KIF5B: variants seen among roughly 807,000 people sequenced by gnomAD.
KIF5B encodes kinesin-1 heavy chain.
Under a neutral mutation model 132.8 loss-of-function variants are expected in KIF5B, and 49 were observed. The observed-to-expected ratio is 0.37, with a 90% CI of 0.29 to 0.47. KIF5B has a LOEUF of 0.47. KIF5B is among the 20% of genes least tolerant of loss of function. The probability of loss-of-function intolerance (pLI) is 1.00; values close to 1 mark genes in which losing one functional copy is unlikely to be tolerated. For missense variants in KIF5B, 780 were observed against 1,144.0 expected, an observed-to-expected ratio of 0.68 and a Z score of 4.59; for synonymous variants, 355 against 369.4, an observed-to-expected ratio of 0.96 and a Z score of 0.45.
At chr10:32,012,024 C>T (rs1471772810) in intron 25 of KIF5B, among the ~76,000 whole-genome samples, 1 of 152,028 alleles carries the variant, frequency 6.6e-6, no homozygotes, top group Non-Finnish European at 1.5e-5. Context: ...TATTAAACTG[C>T]CTACTTACCT....
rs539960781 is a variant in KIF5B at position 32,052,933 on chromosome 10, T to C, written c.126+2915A>G. ...TTACATGAGTAGCAGGAAAAAAGTT[T>C]AGACAAAGTATTAAAAACTCAAGTT... On this transcript the variant is annotated intron_variant, in intron 1 of 25. Transcript: ENST00000302418. 1.2e-3 allele frequency among the ~76,000 whole-genome samples: 187 copies of C among 152,322 alleles called. 1 individual carries two copies. The highest frequency in any genetic ancestry group is 3.4e-3 in the Middle Eastern group (1 of 294).
In KIF5B at chr10:32,033,930, A is replaced by T. The variant is rs771847373; in HGVS notation, c.1220T>A (p.Ile407Asn). The T allele has an allele frequency of 6.2e-7, 1 of 1,612,846 alleles. No homozygotes were observed. The highest frequency in any genetic ancestry group is 2.2e-5 in the East Asian group (1 of 44,832). Residue 407 changes from isoleucine to asparagine, a missense_variant, in exon 12 of 26, where the codon ATT becomes AAT. Physicochemically the swap from Ile to Asn is moderately radical, Grantham distance 149 (BLOSUM62 -3). Coordinates refer to ENST00000302418, the MANE Select transcript of KIF5B (RefSeq NM_004521.3). ...ATCAGTAAAATTTCCTATAACTCCAATTGCGGTTGCTGGTTTATCATTGGT... is the reference window on the plus strand; with the variant it reads ...ATCAGTAAAATTTCCTATAACTCCATTTGCGGTTGCTGGTTTATCATTGGT... ...TLTNDKPATA[I>N]GVIGNFTDAE...
At chr10:32,014,435 G>A (rs112077505) in intron 25 of KIF5B, among the ~76,000 whole-genome samples, 59 of 151,652 alleles carry the variant, frequency 3.9e-4, no homozygotes, top group African/African-American at 1.1e-3. Flanking sequence ...GCAGGGGGCC[G>A]GAAAAAAAAG....
intron 15 of KIF5B, among the ~76,000 whole-genome samples, chr10:32,024,133 C>A (rs1203048670): frequency 1.6e-5 from 2 of 127,614 alleles, no homozygotes; most frequent in African/African-American, 2.9e-5. Context: ...ATATCCAAAA[C>A]ATATGAAGAA....
intron 16 of KIF5B, 69 bp downstream of exon 16, chr10:32,022,779 C>T (rs1383912735): frequency 1.7e-6 from 2 of 1,180,032 alleles, no homozygotes; most frequent in East Asian, 2.4e-5. Context: ...TTTCTGAAAA[C>T]TTGTATAATA....
chr10:32,036,941 C>T (rs1248572584), intron 8 of KIF5B, among the ~76,000 whole-genome samples: 5 of 152,016 alleles, frequency 3.3e-5, no homozygotes, highest in African/African-American at 4.8e-5. Flanking sequence ...GGATAAAATA[C>T]GTATCAAAAA....
At chr10:32,034,920 G>T in intron 10 of KIF5B, 82 bp from the exon 11 acceptor site, 1 of 1,032,792 alleles carries the variant, frequency 9.7e-7, no homozygotes, top group Non-Finnish European at 1.3e-6. Context: ...TGTATATATG[G>T]CTAAGAAACT....
intron 3 of KIF5B, among the ~76,000 whole-genome samples, chr10:32,039,760 G>A (rs1841508011): frequency 6.6e-6 from 1 of 152,064 alleles, no homozygotes; most frequent in Non-Finnish European, 1.5e-5. Flanking sequence ...TCTACTTCGA[G>A]GCAAATTCAT....
intron 17 of KIF5B, 38 bp downstream of exon 17, chr10:32,022,102 G>T: frequency 1.0e-6 from 1 of 971,514 alleles, no homozygotes; most frequent in Non-Finnish European, 1.6e-6. Flanking sequence ...ACTAAAATAA[G>T]AACACAGATG....
chr10:32,020,504 T>C (rs1841244898), intron 19 of KIF5B, among the ~76,000 whole-genome samples: 1 of 152,146 alleles, frequency 6.6e-6, no homozygotes. Context: ...CACTTCAGCC[T>C]CAGATTCCAA....
intron 23 of KIF5B, 98 bp from the exon 24 acceptor site, chr10:32,017,457 A>G (rs1178351466): frequency 1.1e-6 from 1 of 883,944 alleles, no homozygotes; most frequent in Middle Eastern, 2.4e-4. Context: ...GTAAAACTGC[A>G]TTTTATATTG....
intron 1 of KIF5B, among the ~76,000 whole-genome samples, chr10:32,049,190 C>T (rs1196580430): frequency 2.6e-5 from 4 of 152,170 alleles, no homozygotes; most frequent in Non-Finnish European, 5.9e-5. Context: ...AGATGACATG[C>T]TAGAATGATA....
chr10:32,014,975 A>G (rs1425258383), intron 25 of KIF5B, among the ~76,000 whole-genome samples: 3 of 152,080 alleles, frequency 2.0e-5, no homozygotes, highest in African/African-American at 7.2e-5. Flanking sequence ...AAACACAAAA[A>G]TTAGCCAGGC....
At chr10:32,054,513 C>T (rs1057054939) in intron 1 of KIF5B, among the ~76,000 whole-genome samples, 2 of 152,200 alleles carry the variant, frequency 1.3e-5, no homozygotes, top group African/African-American at 4.8e-5. Context: ...CACATCAAAA[C>T]CCTAAAGAAC....
rs1841065031 is a variant in KIF5B, at chr10:32,010,651, AATT to A, written c.*883_*885del. 6.6e-6 allele frequency: 1 copy of A among 152,166 alleles called. No individual in the cohort carries two copies. The highest frequency in any genetic ancestry group is 1.5e-5 in the Non-Finnish European group (1 of 68,006). The allele number at this position is 152,166 out of a possible 1,614,324, so 9.4% of individuals were successfully genotyped here. A position where few individuals can be genotyped will look rare whatever the true frequency, so the allele number is the denominator to read the frequency against. On this transcript the variant is annotated 3_prime_UTR_variant, in exon 26 of 26. Coordinates refer to ENST00000302418, the MANE Select transcript of KIF5B (RefSeq NM_004521.3). ...CATTTTACTAATATTAAAGATGACA[AATT>A]ATTACCTGTCCAATACTTATATTAG...
intron 2 of KIF5B, among the ~76,000 whole-genome samples, chr10:32,041,627 A>G (rs911441001): frequency 6.6e-6 from 1 of 152,188 alleles, no homozygotes; most frequent in Non-Finnish European, 1.5e-5. Context: ...AGAAGTTCCT[A>G]TGAAAAAAAA....
chr10:32,010,737 A>G lies in KIF5B; in HGVS notation c.*800T>C, dbSNP rs576321982. The G allele has an allele frequency of 3.3e-5, 5 of 152,310 alleles. No homozygotes were observed. Among genetic ancestry groups the G allele is most frequent in the East Asian group, 3.9e-4 (2 of 5,192 alleles). The allele number at this position is 152,310 out of a possible 1,614,324, so 9.4% of individuals were successfully genotyped here. On this transcript the variant is annotated 3_prime_UTR_variant, in exon 26 of 26. Transcript: ENST00000302418. The stretch of plus-strand genomic sequence containing the variant: ...TTAATTCCATCAAGACTTGTTGAGT[A>G]CAGAATCAGGAAAAAGAGAAATATA...
intron 8 of KIF5B, 112 bp downstream of exon 8, chr10:32,037,142 A>G: frequency 1.0e-6 from 1 of 964,704 alleles, no homozygotes; most frequent in Non-Finnish European, 1.5e-6. Flanking sequence ...ATCTCAGGTT[A>G]CCAAATCCAG....
chr10:32,035,712 ATGT>A (rs1166682589), intron 9 of KIF5B, 45 bp from the exon 10 acceptor site: 3 of 1,544,596 alleles, frequency 1.9e-6, no homozygotes, highest in African/African-American at 2.8e-5. Flanking sequence ...GTATAATAAA[ATGT>A]TATTATAAAA....
Sources: gnomAD v4.1 joint callset for allele counts (sites outside exome capture counted in the v4.1 genomes callset) on GRCh38, gnomAD v4.1.1 for gene constraint, MANE v1.5 for transcripts, NCBI Gene and HGNC (gene_info 2026-07-23, HGNC 2026-07-21) for gene names.